The following TMEM116 variants were observed in gnomAD, a reference collection of about 807,000 sequenced individuals.
TMEM116 encodes transmembrane protein 116.
In TMEM116, 38 loss-of-function variants were observed where a neutral mutation model predicts 44.3. That is an observed-to-expected ratio of 0.86 (90% CI 0.66 to 1.12). The LOEUF is 1.12. TMEM116 is among the 50% of genes most tolerant of loss of function. The pLI is 0.00. For missense variants in TMEM116, 354 were observed against 401.7 expected (o/e 0.88, Z 1.01); for synonymous variants, 132 against 144.8 (o/e 0.91, Z 0.64).
At chr12:111,978,687 G>A (rs2075791342) in intron 4 of TMEM116, 1 of 379,324 alleles carries the variant, frequency 2.6e-6, no homozygotes, top group Admixed American at 3.0e-5. Context: ...CACTATGTTT[G>A]GATACAACAA....
intron 4 of TMEM116, among the ~76,000 whole-genome samples, chr12:111,946,971 C>A (rs1175039004): frequency 6.6e-6 from 1 of 151,952 alleles, no homozygotes; most frequent in Non-Finnish European, 1.5e-5. Flanking sequence ...ACTCCCAGGT[C>A]ATCTAAATGA....
chr12:111,956,519 G>A (rs529789150), intron 4 of TMEM116, among the ~76,000 whole-genome samples: 1 of 152,150 alleles, frequency 6.6e-6, no homozygotes, highest in South Asian at 2.1e-4. Flanking sequence ...TCTCCCCTTT[G>A]CATGGTCCTC....
rs2076619882 is a variant in TMEM116, at chr12:111,991,801, G to A, written c.167C>T (p.Ala56Val). The change falls in exon 4 of 11, where the codon GCA becomes GTA. Residue 56 changes from alanine (A) to valine (V), a missense_variant. By Grantham distance (64) the Ala-to-Val change is moderately conservative. Transcript: ENST00000552374. Reference sequence around the variant, plus strand: ...GTTATAGCAGATGATGTCCTTATTTGCTACTGAAGCTCCATAGAGAAGTGT... The same window carrying A: ...GTTATAGCAGATGATGTCCTTATTTACTACTGAAGCTCCATAGAGAAGTGT... ...TETLLYGASV[A>V]NKDIICYNLQ... The A allele has an allele frequency of 1.3e-6, 2 of 1,535,496 alleles. No individual in the cohort carries two copies. The highest frequency in any genetic ancestry group is 1.4e-5 in the African/African-American group (1 of 72,974).
chr12:111,940,349 CT>C (rs1205148959), intron 5 of TMEM116, among the ~76,000 whole-genome samples: 1 of 148,278 alleles, frequency 6.7e-6, no homozygotes, highest in African/African-American at 2.5e-5. Context: ...ATACTTTTTC[CT>C]CTTTGGGTTT....
intron 6 of TMEM116, 22 bp downstream of exon 6, chr12:111,938,139 A>C: frequency 6.4e-7 from 1 of 1,563,440 alleles, no homozygotes; most frequent in Non-Finnish European, 8.7e-7. Context: ...CACCTCGCTA[A>C]GAAGTAAAGA....
At chr12:111,950,596 C>A (rs1312435577) in intron 4 of TMEM116, among the ~76,000 whole-genome samples, 6 of 151,986 alleles carry the variant, frequency 3.9e-5, no homozygotes, top group African/African-American at 1.5e-4. Flanking sequence ...ACTCCCTATT[C>A]AATAAATGGT....
intron 4 of TMEM116, among the ~76,000 whole-genome samples, chr12:111,967,476 G>C (rs926200938): frequency 2.6e-5 from 4 of 151,860 alleles, no homozygotes; most frequent in Non-Finnish European, 4.4e-5. Context: ...AAGTCTGGAA[G>C]CACCTGGATT....
At chr12:111,978,333 G>A (rs1227737943) in intron 4 of TMEM116, among the ~76,000 whole-genome samples, 6 of 151,854 alleles carry the variant, frequency 4.0e-5, no homozygotes, top group East Asian at 3.9e-4. Context: ...CCTGGGAGGC[G>A]GAGGTTGCAG....
At chr12:111,997,085 G>C (rs1400648896) in intron 3 of TMEM116, among the ~76,000 whole-genome samples, 1 of 152,220 alleles carries the variant, frequency 6.6e-6, no homozygotes, top group Admixed American at 6.5e-5. Context: ...CTAGAGGTGA[G>C]AGGGAGAGCT....
chr12:111,961,214 G>C lies in TMEM116; in HGVS notation c.211-17845C>G, dbSNP rs527956322. ...ACCAACCAGAAAAAGTCCAGGACCA[G>C]ACAGATTCACAGACAAATTCTACCA... On this transcript the variant is annotated intron_variant, in intron 4 of 10. Transcript: ENST00000552374. Among the ~76,000 whole-genome samples, 5 of 152,272 alleles carry C rather than the reference G, an allele frequency of 3.3e-5. No individual in the cohort carries two copies. The South Asian group carries it at 8.3e-4, about 25-fold the overall frequency.
At chr12:111,939,345 C>T in intron 5 of TMEM116, among the ~76,000 whole-genome samples, 1 of 150,990 alleles carries the variant, frequency 6.6e-6, no homozygotes, top group African/African-American at 2.4e-5. Flanking sequence ...CCCAGCTACT[C>T]AGGAGGCTGA....
At chr12:112,010,924 G>A (rs1164747597) in intron 1 of TMEM116, 1 of 152,196 alleles carries the variant, frequency 6.6e-6, no homozygotes, top group African/African-American at 2.4e-5. Context: ...CTGGACCCCT[G>A]TCTTCAGGCC....
chr12:111,991,556 T>C lies in TMEM116; in HGVS notation c.210+202A>G, dbSNP rs189487836. On this transcript the variant is annotated intron_variant, in intron 4 of 10. Coordinates refer to ENST00000552374, the MANE Select transcript of TMEM116 (RefSeq NM_001193531.2). ...AAAAAAAAAAATTAAAGAGTAAAGA[T>C]AACATTATTTTTTTGCTTCTCTGAA... 4.9e-3 allele frequency among the ~76,000 whole-genome samples: 746 copies of C among 151,322 alleles called. 10 individuals are homozygous for C. The highest frequency in any genetic ancestry group is 0.017 in the African/African-American group (688 of 41,220).
chr12:111,991,234 A>C (rs1014333495), intron 4 of TMEM116, among the ~76,000 whole-genome samples: 3 of 150,634 alleles, frequency 2.0e-5, no homozygotes, highest in African/African-American at 7.3e-5. Context: ...AAAAAAAAAA[A>C]AAAAACGGCT....
intron 4 of TMEM116, among the ~76,000 whole-genome samples, chr12:111,944,608 T>C (rs1318579697): frequency 6.6e-6 from 1 of 151,978 alleles, no homozygotes; most frequent in Non-Finnish European, 1.5e-5. Context: ...ATTTGTGAAG[T>C]ACAGTATCAG....
At chr12:111,937,829 G>A (rs1487370503) in intron 6 of TMEM116, among the ~76,000 whole-genome samples, 2 of 152,134 alleles carry the variant, frequency 1.3e-5, no homozygotes, top group Non-Finnish European at 2.9e-5. Context: ...ATGTTATAAA[G>A]TAGATGATAT....
At chr12:111,961,540 AAC>A (rs2136389781) in intron 4 of TMEM116, among the ~76,000 whole-genome samples, 1 of 152,362 alleles carries the variant, frequency 6.6e-6, no homozygotes, top group South Asian at 2.1e-4. Flanking sequence ...CAATAAACGT[AAC>A]CCATCACATA....
chr12:112,000,137 A>G (rs1355310914), intron 3 of TMEM116, among the ~76,000 whole-genome samples: 1 of 152,212 alleles, frequency 6.6e-6, no homozygotes, highest in Non-Finnish European at 1.5e-5. Flanking sequence ...ATTCTCCTTG[A>G]TATATCAGAG....
chr12:111,994,832 T>G (rs2076841175), intron 3 of TMEM116, among the ~76,000 whole-genome samples: 1 of 152,140 alleles, frequency 6.6e-6, no homozygotes, highest in East Asian at 1.9e-4. Flanking sequence ...GGAGTATGCC[T>G]TAACCCTAAA....
Sources: gnomAD v4.1 joint callset for allele counts (sites outside exome capture counted in the v4.1 genomes callset) on GRCh38, gnomAD v4.1.1 for gene constraint, MANE v1.5 for transcripts, NCBI Gene and HGNC (gene_info 2026-07-23, HGNC 2026-07-21) for gene names.